The following ZP3 variants were observed in gnomAD, a reference collection of about 807,000 sequenced individuals.
ZP3 encodes zona pellucida sperm-binding protein 3.
Under a neutral mutation model 35.6 loss-of-function variants are expected in ZP3, and 21 were observed. The ratio of observed to expected loss-of-function variants is 0.59; its 90% CI spans 0.42 to 0.85. ZP3 has a LOEUF of 0.85. Among genes scored for constraint, ZP3 ranks in the 40% least tolerant of loss-of-function variants. ZP3 has a pLI of 0.00. For missense variants in ZP3, 437 were observed against 536.5 expected, an observed-to-expected ratio of 0.81 and a Z score of 1.83; for synonymous variants, 207 against 214.5, an observed-to-expected ratio of 0.96 and a Z score of 0.31.
chr7:76,429,837 A>C (rs533452205), intron 2 of ZP3, among the ~76,000 whole-genome samples: 1 of 152,228 alleles, frequency 6.6e-6, no homozygotes, highest in South Asian at 2.1e-4. Context: ...CAGGAGCCCA[A>C]CTGCAGCTTA....
intron 5 of ZP3, among the ~76,000 whole-genome samples, chr7:76,438,914 A>T (rs1806109373): frequency 8.4e-6 from 1 of 118,640 alleles, no homozygotes; most frequent in Non-Finnish European, 1.8e-5. Flanking sequence ...CAGGTGGATC[A>T]CAAGGTCAGG....
rs1804891611 is a variant in ZP3, at chr7:76,403,396, G to T, written c.-67+5599G>T. On this transcript the variant is annotated intron_variant, in intron 1 of 8. Coordinates refer to the ZP3 transcript ENST00000336517. The stretch of plus-strand genomic sequence containing the variant: ...CCTGTCACTCAGGCTGGAGTGCAAT[G>T]GCGCAATCTCAGCTCACTGCAACCT... Among the ~76,000 whole-genome samples, 3 of 150,896 alleles carry T rather than the reference G, an allele frequency of 2.0e-5. No homozygotes were observed. The South Asian group carries it at 6.3e-4, about 32-fold the overall frequency.
At chr7:76,409,310 C>G (rs1805155660) in intron 1 of ZP3, 1 of 113,736 alleles carries the variant, frequency 8.8e-6, no homozygotes, top group Non-Finnish European at 1.8e-5. Context: ...CTCTCTCTCT[C>G]TCTCTCTCTG....
chr7:76,425,389 T>A (rs1255114323), intron 1 of ZP3, 113 bp downstream of exon 1: 2 of 1,194,408 alleles, frequency 1.7e-6, no homozygotes, highest in African/African-American at 1.5e-5. Context: ...CTCTCACTTG[T>A]AGGTGGGGAG....
rs956297214 is a variant in ZP3, at chr7:76,425,373, G to A, written c.312+97G>A. On this transcript the variant is annotated intron_variant, in intron 1 of 7. Coordinates refer to ENST00000394857, the MANE Select transcript of ZP3 (RefSeq NM_001110354.2). ...CCATCGGTGGGAGGTGGGGTTGGGTGGATCCCTCTCACTTGTAGGTGGGGA... is the reference window on the plus strand; with the variant it reads ...CCATCGGTGGGAGGTGGGGTTGGGTAGATCCCTCTCACTTGTAGGTGGGGA... The A allele has an allele frequency of 2.8e-5, 37 of 1,336,828 alleles. No homozygotes were observed. The Admixed American group carries it at 4.7e-4, about 17-fold the overall frequency. The allele number at this position is 1,336,828 out of a possible 1,614,324, so 82.8% of individuals were successfully genotyped here.
At chr7:76,403,739 G>C (rs1804904812) in intron 1 of ZP3, among the ~76,000 whole-genome samples, 1 of 151,704 alleles carries the variant, frequency 6.6e-6, no homozygotes, top group South Asian at 2.1e-4. Context: ...TTGGCTCACT[G>C]CAACCTCCAC....
At chr7:76,404,404 C>T in intron 1 of ZP3, 2 of 1,614,094 alleles carry the variant, frequency 1.2e-6, no homozygotes, top group Non-Finnish European at 1.7e-6. Context: ...TCTCATCCAG[C>T]TGGGGACCAA....
chr7:76,415,386 G>A (rs957269774), intron 1 of ZP3, among the ~76,000 whole-genome samples: 4 of 115,024 alleles, frequency 3.5e-5, no homozygotes, highest in African/African-American at 1.2e-4. Context: ...AAAAGGTCTG[G>A]AATGATTCAG....
intron 5 of ZP3, among the ~76,000 whole-genome samples, chr7:76,437,599 A>ATG (rs1806060856): frequency 1.4e-5 from 2 of 147,926 alleles, no homozygotes; most frequent in African/African-American, 5.0e-5. Context: ...CAATTCTTCC[A>ATG]TTCCAGCCTC....
At chr7:76,415,456 G>T (rs1805347398) in intron 1 of ZP3, among the ~76,000 whole-genome samples, 1 of 151,350 alleles carries the variant, frequency 6.6e-6, no homozygotes, top group Admixed American at 6.6e-5. Flanking sequence ...GGTGGCGGGA[G>T]TGGATTTGAT....
intron 7 of ZP3, among the ~76,000 whole-genome samples, chr7:76,440,943 G>A (rs1167290871): frequency 9.2e-5 from 14 of 152,098 alleles, no homozygotes; most frequent in Non-Finnish European, 1.6e-4. Flanking sequence ...AGGCCAAGGC[G>A]GGCAGGTCAC....
chr7:76,417,173 G>A lies in ZP3; in HGVS notation c.-66-7879G>A, dbSNP rs182325257. The stretch of plus-strand genomic sequence containing the variant: ...CCCAGGTTCACGCGATTCTCCTGCC[G>A]CAGCCTCCCAAGTAGCTGGGATTAC... On this transcript the variant is annotated intron_variant, in intron 1 of 8. Transcript: ENST00000336517. Among the ~76,000 whole-genome samples, 1,010 of 151,480 alleles carry A rather than the reference G, an allele frequency of 6.7e-3. 13 individuals are homozygous for A. Among genetic ancestry groups the A allele is most frequent in the African/African-American group, 0.023 (933 of 41,278 alleles).
chr7:76,429,434 C>T, intron 1 of ZP3, 81 bp from the exon 2 acceptor site: 5 of 1,359,718 alleles, frequency 3.7e-6, no homozygotes, highest in Non-Finnish European at 5.3e-6. Flanking sequence ...TGTGGGCTGC[C>T]CTCCCTGAGC....
chr7:76,412,753 G>A (rs954174467), intron 1 of ZP3, among the ~76,000 whole-genome samples: 19 of 151,698 alleles, frequency 1.3e-4, no homozygotes, highest in African/African-American at 4.4e-4. Context: ...GGAGGCTGAC[G>A]CAGGAGAATC....
chr7:76,435,163 G>A (rs181999638), intron 5 of ZP3, among the ~76,000 whole-genome samples: 12,757 of 149,104 alleles, frequency 0.086, no homozygotes, highest in African/African-American at 0.18. Context: ...TGGTTAACAC[G>A]GTGAAACCCC....
intron 1 of ZP3, among the ~76,000 whole-genome samples, chr7:76,405,319 A>C (rs57903929): frequency 0.092 from 1,679 of 18,208 alleles, 155 homozygotes; most frequent in African/African-American, 0.22. Context: ...ATATATATGT[A>C]TTTTTTTCTT....
intron 1 of ZP3, among the ~76,000 whole-genome samples, chr7:76,426,746 G>A (rs1053799400): frequency 3.3e-5 from 5 of 151,532 alleles, no homozygotes; most frequent in Non-Finnish European, 2.9e-5. Flanking sequence ...TGCTCTTATT[G>A]CCCAGGCTGG....
chr7:76,413,924 C>T (rs1056624359), intron 1 of ZP3, among the ~76,000 whole-genome samples: 1 of 151,966 alleles, frequency 6.6e-6, no homozygotes, highest in African/African-American at 2.4e-5. Flanking sequence ...GCCTCAGCCT[C>T]CCAAAGTGCT....
rs560337990 is a variant in ZP3 at position 76,433,274 on chromosome 7, C to A, written c.536-196C>A. ...GGTTCAAACGATTCTCCTGCCTCAGCCTCCCGAGTAACTGGGACTACAGGC... is the reference window on the plus strand; with the variant it reads ...GGTTCAAACGATTCTCCTGCCTCAGACTCCCGAGTAACTGGGACTACAGGC... On this transcript the variant is annotated intron_variant, in intron 3 of 7. Transcript: ENST00000394857. 2.0e-5 allele frequency among the ~76,000 whole-genome samples: 3 copies of A among 151,602 alleles called. No individual in the cohort carries two copies. The Admixed American group carries it at 2.0e-4, about 10-fold the overall frequency.
Sources: allele counts gnomAD v4.1 joint callset (sites outside exome capture counted in the v4.1 genomes callset), GRCh38; gene constraint gnomAD v4.1.1; transcripts MANE v1.5; gene names NCBI Gene and HGNC (gene_info 2026-07-23, HGNC 2026-07-21).